The following MAPK8 variants were observed in gnomAD, a reference collection of about 807,000 sequenced individuals.
The protein encoded by MAPK8 is JUN N-terminal kinase.
A neutral mutation model predicts 52.9 loss-of-function variants in MAPK8; 13 were observed. That is an observed-to-expected ratio of 0.25 (90% CI 0.16 to 0.39). The LOEUF is 0.39. Ranked by LOEUF, MAPK8 falls within the 10% of genes least tolerant of loss-of-function variation. MAPK8 has a pLI of 1.00. For missense variants in MAPK8, 300 were observed against 519.2 expected (o/e 0.58, Z 4.10); for synonymous variants, 191 against 169.8 (o/e 1.12, Z -0.97).
rs1329557065 is a variant in MAPK8 at position 48,384,662 on chromosome 10, GCCC to G, written c.-49-16949_-49-16947del. ...TAAAAAAGAAGGGTTTGAAAGAACAGCCCAAATAAAATGTACACCTTCAACCAA... is the reference window on the plus strand; with the variant it reads ...TAAAAAAGAAGGGTTTGAAAGAACAGAAATAAAATGTACACCTTCAACCAA... On this transcript the variant is annotated intron_variant, in intron 1 of 11. Coordinates refer to ENST00000374189, the MANE Select transcript of MAPK8 (RefSeq NM_001323329.2). 1.4e-4 allele frequency among the ~76,000 whole-genome samples: 22 copies of G among 152,332 alleles called. No individual in the cohort carries two copies. The East Asian group carries it at 4.3e-3, about 29-fold the overall frequency.
chr10:48,341,259 T>C (rs1267580032), intron 1 of MAPK8, among the ~76,000 whole-genome samples: 1 of 152,242 alleles, frequency 6.6e-6, no homozygotes, highest in East Asian at 1.9e-4. Context: ...GGTTAAACCA[T>C]ATTAACAGCC....
chr10:48,333,692 CG>C (rs1444599552), intron 1 of MAPK8, among the ~76,000 whole-genome samples: 4 of 148,418 alleles, frequency 2.7e-5, no homozygotes, highest in African/African-American at 9.9e-5. Context: ...GGTGGGGACA[CG>C]GGGCAGAGCC....
intron 1 of MAPK8, among the ~76,000 whole-genome samples, chr10:48,345,220 G>C (rs1845655973): frequency 6.6e-6 from 1 of 152,098 alleles, no homozygotes; most frequent in Non-Finnish European, 1.5e-5. Flanking sequence ...AGATAAACTT[G>C]GCAGGAACTT....
chr10:48,370,381 A>T (rs377646817), intron 1 of MAPK8, among the ~76,000 whole-genome samples: 5 of 152,140 alleles, frequency 3.3e-5, no homozygotes, highest in African/African-American at 1.2e-4. Flanking sequence ...AGTATACATC[A>T]TTGTATTGGT....
chr10:48,325,706 T>TTTTTAGCTAG (rs1843453689), intron 1 of MAPK8, among the ~76,000 whole-genome samples: 1 of 152,312 alleles, frequency 6.6e-6, no homozygotes, highest in East Asian at 1.9e-4. Context: ...CTTTTCTTAG[T>TTTTTAGCTAG]TTTTAGCTAG....
rs73293137 is a variant in MAPK8 at position 48,313,042 on chromosome 10, G to A, written c.-50+6221G>A. Among the ~76,000 whole-genome samples, 530 of 152,172 alleles carry A rather than the reference G, an allele frequency of 3.5e-3. 5 individuals are homozygous for A. Among genetic ancestry groups the A allele is most frequent in the African/African-American group, 0.012 (517 of 41,540 alleles). On this transcript the variant is annotated intron_variant, in intron 1 of 11. Transcript: ENST00000374189. Reference sequence around the variant, plus strand: ...TTTTAGAATGAAGGCTTTTTTTGCAGTTGTGGAAAGATAATGTAGCACATC... The same window carrying A: ...TTTTAGAATGAAGGCTTTTTTTGCAATTGTGGAAAGATAATGTAGCACATC...
intron 1 of MAPK8, among the ~76,000 whole-genome samples, chr10:48,394,514 A>G (rs1159006839): frequency 6.6e-6 from 1 of 151,968 alleles, no homozygotes; most frequent in East Asian, 1.9e-4. Flanking sequence ...CAGTATATTC[A>G]GAAAAGTCAT....
In MAPK8 at chr10:48,435,130, C is replaced by A; in HGVS notation, c.*101C>A. ...GTGGTCTTATTTTTGGGTGATTTTTCAAAAAATGTAGAATTCATTTTGTAG... is the reference window on the plus strand; with the variant it reads ...GTGGTCTTATTTTTGGGTGATTTTTAAAAAAATGTAGAATTCATTTTGTAG... On this transcript the variant is annotated 3_prime_UTR_variant, in exon 12 of 12. Coordinates refer to ENST00000374189, the MANE Select transcript of MAPK8 (RefSeq NM_001323329.2). The A allele has an allele frequency of 1.1e-6, 1 of 929,948 alleles. No homozygotes were observed. Among genetic ancestry groups the A allele is most frequent in the Non-Finnish European group, 1.5e-6 (1 of 656,034 alleles). 57.6% of individuals were successfully genotyped at this position (929,948 alleles called of 1,614,324 possible). A position where few individuals can be genotyped will look rare whatever the true frequency, so the allele number is the denominator to read the frequency against.
At chr10:48,339,314 C>T (rs753102091) in intron 1 of MAPK8, among the ~76,000 whole-genome samples, 42 of 152,060 alleles carry the variant, frequency 2.8e-4, no homozygotes, top group Non-Finnish European at 5.4e-4. Flanking sequence ...TCAACTGAGT[C>T]AACAAAAATA....
chr10:48,337,277 G>T (rs1054489299), intron 1 of MAPK8, among the ~76,000 whole-genome samples: 6 of 152,106 alleles, frequency 3.9e-5, no homozygotes, highest in Non-Finnish European at 8.8e-5. Flanking sequence ...TTGGACCACA[G>T]TTGAATAAAA....
intron 1 of MAPK8, among the ~76,000 whole-genome samples, chr10:48,374,157 C>T (rs1010375015): frequency 1.2e-4 from 18 of 152,114 alleles, no homozygotes; most frequent in African/African-American, 3.1e-4. Flanking sequence ...GGAAAAATAA[C>T]GAAATGAAAG....
chr10:48,382,780 T>C (rs1261173972), intron 1 of MAPK8, among the ~76,000 whole-genome samples: 2 of 147,260 alleles, frequency 1.4e-5, no homozygotes, highest in Non-Finnish European at 3.0e-5. Flanking sequence ...ATATTATATA[T>C]CTTTATATAT....
intron 1 of MAPK8, among the ~76,000 whole-genome samples, chr10:48,360,534 T>C (rs1200814844): frequency 6.6e-6 from 1 of 152,136 alleles, no homozygotes; most frequent in Non-Finnish European, 1.5e-5. Flanking sequence ...TTTTTTATCA[T>C]AGCCTAAAAT....
chr10:48,411,479 C>G (rs1025950062), intron 5 of MAPK8, among the ~76,000 whole-genome samples: 5 of 152,182 alleles, frequency 3.3e-5, no homozygotes, highest in Non-Finnish European at 7.3e-5. Flanking sequence ...TCCTATGTGC[C>G]TGACCATGTA....
chr10:48,427,055 G>A, intron 9 of MAPK8, 25 bp from the exon 10 acceptor site: 1 of 1,593,130 alleles, frequency 6.3e-7, no homozygotes, highest in Non-Finnish European at 8.6e-7. Context: ...TACTGACTTG[G>A]TTATTATTGC....
chr10:48,406,317 G>C (rs1029851667), intron 3 of MAPK8, among the ~76,000 whole-genome samples: 7 of 152,238 alleles, frequency 4.6e-5, no homozygotes, highest in African/African-American at 1.4e-4. Context: ...TCCATGGATA[G>C]AGCTGCTCGT....
chr10:48,406,997 C>T (rs2042507814), intron 3 of MAPK8, among the ~76,000 whole-genome samples: 1 of 152,178 alleles, frequency 6.6e-6, no homozygotes, highest in Admixed American at 6.5e-5. Flanking sequence ...TTACAGTTCC[C>T]ATCTCACCCA....
intron 1 of MAPK8, among the ~76,000 whole-genome samples, chr10:48,373,113 A>G (rs190276324): frequency 3.3e-5 from 5 of 152,324 alleles, no homozygotes; most frequent in Admixed American, 3.3e-4. Context: ...TTTTCAATCG[A>G]GAATTTCATA....
chr10:48,353,521 A>G (rs1275230350), intron 1 of MAPK8, among the ~76,000 whole-genome samples: 1 of 152,242 alleles, frequency 6.6e-6, no homozygotes, highest in Non-Finnish European at 1.5e-5. Flanking sequence ...GCACAGTTGG[A>G]TAGCCATAGG....
Sources: allele counts gnomAD v4.1 joint callset (sites outside exome capture counted in the v4.1 genomes callset), GRCh38; gene constraint gnomAD v4.1.1; transcripts MANE v1.5; gene names NCBI Gene and HGNC (gene_info 2026-07-23, HGNC 2026-07-21).